Variants in CALN1 observed in about 807,000 individuals in gnomAD.
The protein encoded by CALN1 is calcium-binding protein 8.
A neutral mutation model predicts 30.6 loss-of-function variants in CALN1; 17 were observed. The ratio of observed to expected loss-of-function variants is 0.56; its 90% CI spans 0.38 to 0.83. The LOEUF (loss-of-function observed/expected upper bound fraction) is 0.83, where lower values mean the gene tolerates loss of function less well. CALN1 is among the 40% of genes least tolerant of loss of function. The pLI is 0.00. For synonymous variants in CALN1, 156 were observed against 131.4 expected, an observed-to-expected ratio of 1.19 and a Z score of -1.28; for missense variants, 291 against 354.9, an observed-to-expected ratio of 0.82 and a Z score of 1.45.
intron 3 of CALN1, among the ~76,000 whole-genome samples, chr7:72,192,415 G>T (rs772331939): frequency 2.8e-4 from 43 of 152,148 alleles, no homozygotes; most frequent in Non-Finnish European, 5.4e-4. Flanking sequence ...ATCTGTGGAT[G>T]GGGCGGGCAT....
chr7:72,175,493 C>T (rs1056576793), intron 3 of CALN1, among the ~76,000 whole-genome samples: 1 of 152,138 alleles, frequency 6.6e-6, no homozygotes. Context: ...CCATCAGAAA[C>T]AAGAGTCAGC....
At chr7:72,315,193 T>A (rs1800354530) in intron 2 of CALN1, among the ~76,000 whole-genome samples, 1 of 151,820 alleles carries the variant, frequency 6.6e-6, no homozygotes, top group African/African-American at 2.4e-5. Context: ...TAAAAAGTAA[T>A]ACTAAAGAAA....
intron 3 of CALN1, among the ~76,000 whole-genome samples, chr7:72,264,496 A>ATTT (rs34126246): frequency 8.4e-4 from 124 of 147,274 alleles, no homozygotes; most frequent in African/African-American, 2.8e-3. Flanking sequence ...AATAAGCAGG[A>ATTT]TTTTTTTTTT....
In CALN1 at chr7:72,153,536, T is replaced by A. The variant is rs913119650; in HGVS notation, c.245-47242A>T. Among the ~76,000 whole-genome samples the A allele has an allele frequency of 4.9e-3, 677 of 137,066 alleles. 3 individuals carry two copies. Among genetic ancestry groups the A allele is most frequent in the African/African-American group, 0.017 (649 of 37,880 alleles). 89.9% of individuals were successfully genotyped at this position (137,066 alleles called of 152,430 possible). On this transcript the variant is annotated intron_variant, in intron 3 of 6. Transcript: ENST00000395275. ...TCTACAAAATTAAAAAAAAAAAAAATAGCCAAGGATGGTGGTATGTGCCTA... is the reference window on the plus strand; with the variant it reads ...TCTACAAAATTAAAAAAAAAAAAAAAAGCCAAGGATGGTGGTATGTGCCTA...
rs572485576 is a variant in CALN1, at chr7:71,970,973, A to C, written c.501+52684T>G. Among the ~76,000 whole-genome samples, 17 of 152,294 alleles carry C rather than the reference A, an allele frequency of 1.1e-4. 1 individual carries two copies. The South Asian group carries it at 3.5e-3, about 32-fold the overall frequency. On this transcript the variant is annotated intron_variant, in intron 5 of 6. Coordinates refer to ENST00000395275, the MANE Select transcript of CALN1 (RefSeq NM_031468.4). Reference sequence around the variant, plus strand: ...CAGGTTCACTCGGCATTCCCAGCGGAGGCAAGAAAGATCCTGAAGGCATCT... The same window carrying C: ...CAGGTTCACTCGGCATTCCCAGCGGCGGCAAGAAAGATCCTGAAGGCATCT...
chr7:72,008,031 A>G (rs948908027), intron 5 of CALN1, among the ~76,000 whole-genome samples: 1 of 152,220 alleles, frequency 6.6e-6, no homozygotes, highest in African/African-American at 2.4e-5. Context: ...ATAAAAAATA[A>G]ATGAGGACAT....
intron 5 of CALN1, among the ~76,000 whole-genome samples, chr7:71,964,121 A>G (rs780655931): frequency 5.9e-5 from 9 of 152,212 alleles, no homozygotes; most frequent in Non-Finnish European, 1.2e-4. Context: ...GTCATATCAT[A>G]TACTTTGGCT....
At chr7:71,937,344 G>A (rs78089755) in intron 5 of CALN1, among the ~76,000 whole-genome samples, 11,262 of 151,172 alleles carry the variant, frequency 0.074, 728 homozygotes, top group East Asian at 0.22. Context: ...AACCCCATAC[G>A]TATTTATATG....
At chr7:71,818,714 TTATTTA>T (rs1232277310) in intron 5 of CALN1, among the ~76,000 whole-genome samples, 2 of 149,000 alleles carry the variant, frequency 1.3e-5, no homozygotes, top group African/African-American at 5.0e-5. Context: ...ATTTATTTAT[TTATTTA>T]TTTTTTTGAG....
At chr7:71,882,818 G>A (rs115982587) in intron 5 of CALN1, among the ~76,000 whole-genome samples, 5,515 of 150,538 alleles carry the variant, frequency 0.037, 354 homozygotes, top group African/African-American at 0.13. Context: ...GGAGTAGCTG[G>A]GACTATGGGC....
chr7:72,109,893 G>GGGTTAGGTA (rs202208790), intron 3 of CALN1, among the ~76,000 whole-genome samples: 1 of 152,170 alleles, frequency 6.6e-6, no homozygotes, highest in Non-Finnish European at 1.5e-5. Context: ...TGGGTTAGGT[G>GGGTTAGGTA]TGATGTCCTT....
intron 2 of CALN1, among the ~76,000 whole-genome samples, chr7:72,319,176 G>A (rs1334794477): frequency 1.3e-5 from 2 of 152,178 alleles, no homozygotes; most frequent in African/African-American, 4.8e-5. Context: ...ATGTGGTATA[G>A]ACATATATAT....
intron 2 of CALN1, among the ~76,000 whole-genome samples, chr7:72,279,888 G>C (rs1441465550): frequency 2.0e-5 from 3 of 152,214 alleles, no homozygotes; most frequent in Non-Finnish European, 2.9e-5. Context: ...CCAACAGGCA[G>C]GAAGCACAGG....
At chr7:72,419,095 A>C (rs894033586) in intron 1 of CALN1, among the ~76,000 whole-genome samples, 1 of 152,204 alleles carries the variant, frequency 6.6e-6, no homozygotes, top group African/African-American at 2.4e-5. Flanking sequence ...CAAGCAGCCA[A>C]GAAGATGGAT....
chr7:71,791,655 A>G (rs914472342), intron 6 of CALN1, among the ~76,000 whole-genome samples: 4 of 152,322 alleles, frequency 2.6e-5, no homozygotes, highest in African/African-American at 9.6e-5. Flanking sequence ...CGCCTGTGAC[A>G]CGAGTTTACC....
intron 2 of CALN1, among the ~76,000 whole-genome samples, chr7:72,292,846 T>C (rs1177659066): frequency 8.4e-6 from 1 of 118,626 alleles, no homozygotes; most frequent in Non-Finnish European, 1.8e-5. Flanking sequence ...AATTTCAACA[T>C]ATGACTTTTG....
At chr7:72,007,300 C>T (rs1584730862) in intron 5 of CALN1, among the ~76,000 whole-genome samples, 1 of 152,212 alleles carries the variant, frequency 6.6e-6, no homozygotes, top group Non-Finnish European at 1.5e-5. Context: ...AATCCCAGCA[C>T]TTTGGTAGGC....
At chr7:72,304,503 A>C (rs1378200278) in intron 2 of CALN1, among the ~76,000 whole-genome samples, 1 of 152,216 alleles carries the variant, frequency 6.6e-6, no homozygotes, top group Non-Finnish European at 1.5e-5. Context: ...AATTTTAAAA[A>C]AAATCAAGTA....
At chr7:72,356,537 T>G (rs893509019) in intron 2 of CALN1, among the ~76,000 whole-genome samples, 1 of 151,844 alleles carries the variant, frequency 6.6e-6, no homozygotes, top group East Asian at 1.9e-4. Context: ...ACTAAAATAA[T>G]AATAAAAGAA....
Sources: allele counts gnomAD v4.1 joint callset (sites outside exome capture counted in the v4.1 genomes callset), GRCh38; gene constraint gnomAD v4.1.1; transcripts MANE v1.5; gene names NCBI Gene and HGNC (gene_info 2026-07-23, HGNC 2026-07-21).